The following PCDHGA6 variants were observed in gnomAD, a reference collection of about 807,000 sequenced individuals.
PCDHGA6 encodes protocadherin gamma-A6.
In PCDHGA6, 41 loss-of-function variants were observed where a neutral mutation model predicts 60.6. That is an observed-to-expected ratio of 0.68 (90% CI 0.53 to 0.88). PCDHGA6 has a LOEUF of 0.88. Ranked by LOEUF, PCDHGA6 falls within the 40% of genes least tolerant of loss-of-function variation. PCDHGA6 has a pLI of 0.00. For synonymous variants in PCDHGA6, 594 were observed against 524.4 expected, an observed-to-expected ratio of 1.13 and a Z score of -1.81; for missense variants, 1,312 against 1,203.0, an observed-to-expected ratio of 1.09 and a Z score of -1.34.
At chr5:141,427,814 G>T in intron 1 of PCDHGA6, 2 of 1,526,562 alleles carry the variant, frequency 1.3e-6, no homozygotes, top group South Asian at 2.2e-5. Context: ...CACAGAGCGG[G>T]GTGGTGGTCG....
intron 1 of PCDHGA6, chr5:141,378,833 C>T (rs1224132304): frequency 6.6e-6 from 1 of 152,128 alleles, no homozygotes; most frequent in East Asian, 1.9e-4. Context: ...GAACAGAAAA[C>T]AGCAGAGTTT....
Position 141,476,364 on chromosome 5 carries a change from C to T in PCDHGA6, c.2425-18443C>T, listed in dbSNP as rs1462808655. The T allele has an allele frequency of 6.2e-7, 1 of 1,614,036 alleles. No homozygotes were observed. The highest frequency in any genetic ancestry group is 8.5e-7 in the Non-Finnish European group (1 of 1,180,026). Reference sequence around the variant, plus strand: ...AGATTCTTTGAGGTGAACCGGGAGACCGGAGAGATGTTTGTGAACGACCGT... The same window carrying T: ...AGATTCTTTGAGGTGAACCGGGAGATCGGAGAGATGTTTGTGAACGACCGT... On this transcript the variant is annotated intron_variant, in intron 1 of 3. Coordinates refer to ENST00000517434, the MANE Select transcript of PCDHGA6 (RefSeq NM_018919.3). This position sits in a 1 kb window ranked among gnomAD's most constrained non-coding sequence, Gnocchi z 7.6.
intron 1 of PCDHGA6, chr5:141,403,197 G>T: frequency 6.2e-7 from 1 of 1,613,986 alleles, no homozygotes; most frequent in Non-Finnish European, 8.5e-7. Flanking sequence ...CCGCGCAGCG[G>T]CACCTTGGTC....
rs769852070 is a variant in PCDHGA6, at chr5:141,376,296, C to T, written c.2213C>T (p.Ser738Leu). The T allele has an allele frequency of 1.2e-6, 2 of 1,614,184 alleles. No individual in the cohort carries two copies. The highest frequency in any genetic ancestry group is 1.7e-6 in the Non-Finnish European group (2 of 1,180,042). Residue 738 changes from serine (S) to leucine (L), a missense_variant, in exon 1 of 4, where the codon TCG becomes TTG. By Grantham distance (145) the Ser-to-Leu change is moderately radical (BLOSUM62 -2). Coordinates refer to ENST00000517434, the MANE Select transcript of PCDHGA6 (RefSeq NM_018919.3). The stretch of plus-strand genomic sequence containing the variant: ...GGTGGCTTAGCGAGCATGCCCGGCT[C>T]GCACTTTGTGGGCGTGGAAGGGGTT... Reference protein sequence around the residue: ...SGGGLASMPGSHFVGVEGVRA... With the variant: ...SGGGLASMPGLHFVGVEGVRA...
intron 1 of PCDHGA6, chr5:141,400,006 G>T (rs758879836): frequency 1.9e-5 from 30 of 1,612,536 alleles, no homozygotes; most frequent in Non-Finnish European, 2.5e-5. Flanking sequence ...CACAGCGCGT[G>T]CCTTGGGCGA....
intron 1 of PCDHGA6, among the ~76,000 whole-genome samples, chr5:141,387,115 T>C (rs2090824355): frequency 6.6e-6 from 1 of 152,224 alleles, no homozygotes. Context: ...AATATTCCTG[T>C]AATGAAATCA....
In PCDHGA6 at chr5:141,487,562, G is replaced by A. The variant is rs140619162; in HGVS notation, c.2425-7245G>A. The A allele has an allele frequency of 7.7e-5, 125 of 1,614,060 alleles. 1 individual carries two copies. The highest frequency in any genetic ancestry group is 5.7e-4 in the Admixed American group (34 of 60,006). On this transcript the variant is annotated intron_variant, in intron 1 of 3. Transcript: ENST00000517434. The surrounding 1 kb of genome is among the most constrained non-coding windows in gnomAD (Gnocchi z 5.0). ...GAAGTCACCCAGTGCACCTATGGCA[G>A]GGGAGCCTGTTCGCCCAAGCTGCCC...
chr5:141,424,055 C>A, intron 1 of PCDHGA6: 2 of 1,007,784 alleles, frequency 2.0e-6, no homozygotes, highest in Non-Finnish European at 1.2e-6. Context: ...TTTTGCTGTG[C>A]CTTCACTGAT....
Position 141,375,448 on chromosome 5 carries a change from A to G in PCDHGA6, c.1365A>G (p.Ser455=). 1.2e-6 allele frequency: 2 copies of G among 1,613,844 alleles called. No homozygotes were observed. Among genetic ancestry groups the G allele is most frequent in the South Asian group, 1.1e-5 (1 of 91,072 alleles). The change falls in exon 1 of 4, where the codon TCA becomes TCG. Residue 455 remains serine (S), a synonymous_variant. Coordinates refer to ENST00000517434, the MANE Select transcript of PCDHGA6 (RefSeq NM_018919.3). ...TNDNPPTFPH[S]SYSVYVLENN... is the part of the protein sequence containing the mutation. ...ACAACCCGCCCACCTTCCCCCATTC[A>G]TCCTACTCAGTCTATGTCCTTGAAA...
At chr5:141,403,039 T>A (rs989723883) in intron 1 of PCDHGA6, 64 of 1,614,050 alleles carry the variant, frequency 4.0e-5, no homozygotes, top group Non-Finnish European at 5.4e-5. Context: ...CCAGGGCCAG[T>A]CAGATTCGCT....
At chr5:141,428,466 A>G (rs1230267635) in intron 1 of PCDHGA6, 1 of 344,756 alleles carries the variant, frequency 2.9e-6, no homozygotes, top group Admixed American at 4.1e-5. Context: ...ACAATGAGGG[A>G]ACTTTGCTTT....
At position 141,390,470 on chromosome 5, in the gene PCDHGA6, G is replaced by A; in HGVS notation, c.2424+13963G>A. On this transcript the variant is annotated intron_variant, in intron 1 of 3. Transcript: ENST00000517434. ...AGGAGTAAAGTAGGAGCAATTGTGTGGCCCAACATTTGTTTGTTTTTTAGC... is the reference window on the plus strand; with the variant it reads ...AGGAGTAAAGTAGGAGCAATTGTGTAGCCCAACATTTGTTTGTTTTTTAGC... 4.3e-6 allele frequency: 3 copies of A among 699,244 alleles called. No individual in the cohort carries two copies. In the South Asian group the frequency reaches 6.0e-5, roughly 14 times the overall value. The allele number at this position is 699,244 out of a possible 1,614,324, so 43.3% of individuals were successfully genotyped here.
chr5:141,404,641 G>C, intron 1 of PCDHGA6: 2 of 1,614,178 alleles, frequency 1.2e-6, no homozygotes, highest in Non-Finnish European at 1.7e-6. Context: ...CAGAAATCCT[G>C]TACCCTGCCC....
At position 141,373,971 on chromosome 5, in the gene PCDHGA6, C is replaced by A; in HGVS notation, c.-113C>A. 2 of 1,026,814 alleles carry A rather than the reference C, an allele frequency of 1.9e-6. No individual in the cohort carries two copies. The highest frequency in any genetic ancestry group is 2.7e-6 in the Non-Finnish European group (2 of 749,612). 63.6% of individuals were successfully genotyped at this position (1,026,814 alleles called of 1,614,324 possible). A position where few individuals can be genotyped will look rare whatever the true frequency, so the allele number is the denominator to read the frequency against. ...AGAAATTCTGACCTGAAACGCTTCG[C>A]ATCCGGTCTCTGCTTGTTGAAGGAC... On this transcript the variant is annotated 5_prime_UTR_variant, in exon 1 of 4. Coordinates refer to ENST00000517434, the MANE Select transcript of PCDHGA6 (RefSeq NM_018919.3).
rs766227340 is a variant in PCDHGA6, at chr5:141,476,791, C to T, written c.2425-18016C>T. On this transcript the variant is annotated intron_variant, in intron 1 of 3. Transcript: ENST00000517434. The surrounding 1 kb of genome is among the most constrained non-coding windows in gnomAD (Gnocchi z 7.6). ...TGGACGGAGGGACCCCAGCTCTCTCCGCCAGCCTGCCTATTCACATCAAGG... is the reference window on the plus strand; with the variant it reads ...TGGACGGAGGGACCCCAGCTCTCTCTGCCAGCCTGCCTATTCACATCAAGG... 5.6e-6 allele frequency: 9 copies of T among 1,613,394 alleles called. No homozygotes were observed. Among genetic ancestry groups the T allele is most frequent in the Middle Eastern group, 1.6e-4 (1 of 6,084 alleles).
Position 141,375,826 on chromosome 5 carries a change from C to T in PCDHGA6, c.1743C>T (p.Ser581=), listed in dbSNP as rs1771941269. 1.2e-6 allele frequency: 2 copies of T among 1,614,166 alleles called. No homozygotes were observed. The highest frequency in any genetic ancestry group is 1.1e-5 in the South Asian group (1 of 91,084). Reference sequence around the variant, plus strand: ...CTGGCGTGGAGCTGGCGCCCCGCTCCGCAGAGCCCGGCTACCTGGTGACCA... The same window carrying T: ...CTGGCGTGGAGCTGGCGCCCCGCTCTGCAGAGCCCGGCTACCTGGTGACCA... ...GSTGVELAPR[S]AEPGYLVTKV... The change falls in exon 1 of 4, where the codon TCC becomes TCT. Residue 581 remains serine, a synonymous_variant. Coordinates refer to ENST00000517434, the MANE Select transcript of PCDHGA6 (RefSeq NM_018919.3).
intron 1 of PCDHGA6, chr5:141,389,448 C>T (rs895638491): frequency 1.2e-6 from 2 of 1,610,424 alleles, no homozygotes; most frequent in Non-Finnish European, 1.7e-6. Context: ...CGACCACGAG[C>T]AGCTGCGCGC....
At chr5:141,377,488 C>T (rs1774054188) in intron 1 of PCDHGA6, 1 of 151,792 alleles carries the variant, frequency 6.6e-6, no homozygotes, top group Admixed American at 6.6e-5. Flanking sequence ...CCCAGCTACT[C>T]GAGAAGCTCT....
chr5:141,398,317 C>G (rs1364315924), intron 1 of PCDHGA6: 1 of 1,349,834 alleles, frequency 7.4e-7, no homozygotes, highest in Non-Finnish European at 1.0e-6. Flanking sequence ...GTTACCGACT[C>G]GAAAACTGCG....
Sources: allele counts gnomAD v4.1 joint callset (sites outside exome capture counted in the v4.1 genomes callset), GRCh38; gene constraint gnomAD v4.1.1; non-coding constraint Gnocchi (gnomAD v3.1); transcripts MANE v1.5; gene names NCBI Gene and HGNC (gene_info 2026-07-23, HGNC 2026-07-21).